Variants in ZNF160 observed in about 807,000 individuals in gnomAD.
ZNF160 encodes the protein KRAB zinc finger protein KR18.
In ZNF160, 9 loss-of-function variants were observed where a neutral mutation model predicts 13.1. The ratio of observed to expected loss-of-function variants is 0.69; its 90% CI spans 0.41 to 1.20. ZNF160 has a LOEUF of 1.20. ZNF160 is among the 50% of genes most tolerant of loss of function. ZNF160 has a pLI of 0.01. For synonymous variants in ZNF160, 293 were observed against 333.2 expected, an observed-to-expected ratio of 0.88 and a Z score of 1.31; for missense variants, 838 against 988.0, an observed-to-expected ratio of 0.85 and a Z score of 2.04.
chr19:53,067,937 T>C lies in ZNF160; in HGVS notation c.*140A>G. On this transcript the variant is annotated 3_prime_UTR_variant, in exon 6 of 6. Coordinates refer to ENST00000683776, the MANE Select transcript of ZNF160 (RefSeq NM_001322131.2). The stretch of plus-strand genomic sequence containing the variant: ...CTGCCACATATGTTTACATGATGTC[T>C]CTTGCTTATGGCCTCTCATATCTAT... 2.5e-6 allele frequency: 3 copies of C among 1,208,248 alleles called. No homozygotes were observed. The highest frequency in any genetic ancestry group is 3.4e-6 in the Non-Finnish European group (3 of 870,960). 74.8% of individuals were successfully genotyped at this position (1,208,248 alleles called of 1,614,324 possible). A position where few individuals can be genotyped will look rare whatever the true frequency, so the allele number is the denominator to read the frequency against.
At chr19:53,071,876 A>G (rs958945122) in intron 5 of ZNF160, among the ~76,000 whole-genome samples, 3 of 152,188 alleles carry the variant, frequency 2.0e-5, no homozygotes, top group African/African-American at 7.2e-5. Flanking sequence ...AATACATACT[A>G]AAGTACAACA....
In ZNF160 at chr19:53,069,009, A is replaced by G. The variant is rs746365582; in HGVS notation, c.1525T>C (p.Tyr509His). The change falls in exon 6 of 6, where the codon TAC (tyrosine) becomes CAC (histidine). Residue 509 changes from tyrosine (Y) to histidine (H), a missense_variant. Physicochemically the swap from Tyr to His is moderately conservative, Grantham distance 83. Transcript: ENST00000683776. The surrounding 1 kb of genome is among the most constrained non-coding windows in gnomAD (Gnocchi z 4.4). ...GCTTTCCCACACTCATTACACTTGT[A>G]AGGTTTCTCTCCAGTATGAATTCTT... ...HRRIHTGEKP[Y>H]KCNECGKAFS... The G allele has an allele frequency of 6.2e-7, 1 of 1,614,212 alleles. No homozygotes were observed. The highest frequency in any genetic ancestry group is 1.1e-5 in the South Asian group (1 of 91,088).
chr19:53,071,673 A>G (rs1450969947), intron 5 of ZNF160, among the ~76,000 whole-genome samples: 2 of 149,440 alleles, frequency 1.3e-5, no homozygotes, highest in South Asian at 4.2e-4. Context: ...ATAAAAAAAT[A>G]AAAAAAAAAT....
intron 1 of ZNF160, among the ~76,000 whole-genome samples, chr19:53,099,100 C>CTGTGTCCTCCAACGGAGGGAG (rs57738540): frequency 4.1e-5 from 6 of 145,626 alleles, no homozygotes; most frequent in African/African-American, 1.1e-4. Context: ...AAGATGGAGA[C>CTGTGTCCTCCAACGGAGGGAG]ACAAAACACT....
intron 2 of ZNF160, among the ~76,000 whole-genome samples, chr19:53,088,683 G>A (rs1454628055): frequency 3.3e-5 from 5 of 152,234 alleles, no homozygotes; most frequent in Non-Finnish European, 5.9e-5. Context: ...ATCATGCATT[G>A]GAGATCTGTT....
intron 1 of ZNF160, among the ~76,000 whole-genome samples, chr19:53,099,897 G>T (rs1173767017): frequency 6.6e-6 from 1 of 152,196 alleles, no homozygotes; most frequent in Non-Finnish European, 1.5e-5. Context: ...CTCTATGACG[G>T]CCTCGAAGGG....
chr19:53,071,035 A>C (rs1251926209), intron 5 of ZNF160, among the ~76,000 whole-genome samples: 1 of 151,796 alleles, frequency 6.6e-6, no homozygotes, highest in South Asian at 2.1e-4. Flanking sequence ...ATCTCTACTA[A>C]AAATACAAAA....
intron 2 of ZNF160, among the ~76,000 whole-genome samples, chr19:53,086,543 C>A (rs2084840031): frequency 1.3e-5 from 2 of 151,854 alleles, no homozygotes; most frequent in South Asian, 4.1e-4. Context: ...TCAGAACCCA[C>A]CTTCCTCCTG....
At chr19:53,083,901 G>A (rs914717100) in intron 3 of ZNF160, among the ~76,000 whole-genome samples, 2 of 152,156 alleles carry the variant, frequency 1.3e-5, no homozygotes, top group African/African-American at 4.8e-5. Flanking sequence ...AAGAAAAAGG[G>A]AGTGAGTTAT....
In ZNF160 at chr19:53,083,803, A is replaced by G. The variant is rs78840792; in HGVS notation, c.15+2459T>C. ...ACAACCGTAGTCCCAGCTACTCAGG[A>G]GACTGAGGTGGGACAATTGCTTAGG... On this transcript the variant is annotated intron_variant, in intron 3 of 5. Coordinates refer to ENST00000683776, the MANE Select transcript of ZNF160 (RefSeq NM_001322131.2). 6.6e-4 allele frequency among the ~76,000 whole-genome samples: 101 copies of G among 152,330 alleles called. No homozygotes were observed. The East Asian group carries it at 0.019, about 28-fold the overall frequency.
chr19:53,075,779 C>T (rs1037881000), intron 3 of ZNF160: 1 of 518,950 alleles, frequency 1.9e-6, no homozygotes, highest in Non-Finnish European at 3.8e-6. Flanking sequence ...GTGAGCCACT[C>T]AAGCAAACTA....
chr19:53,084,423 C>T (rs554061606), intron 3 of ZNF160, among the ~76,000 whole-genome samples: 1 of 152,318 alleles, frequency 6.6e-6, no homozygotes, highest in South Asian at 2.1e-4. Context: ...CCAGACCTTG[C>T]TCTTGTTAAC....
intron 1 of ZNF160, among the ~76,000 whole-genome samples, chr19:53,096,709 C>T (rs1299485529): frequency 7.9e-6 from 1 of 127,156 alleles, no homozygotes; most frequent in Non-Finnish European, 1.7e-5. Flanking sequence ...AGCAGAAAGG[C>T]AGGCAGGAGA....
At chr19:53,099,653 A>G (rs1381182791) in intron 1 of ZNF160, among the ~76,000 whole-genome samples, 1 of 152,196 alleles carries the variant, frequency 6.6e-6, no homozygotes, top group Non-Finnish European at 1.5e-5. Context: ...TTTAAATTTT[A>G]AAGGACTGAG....
Position 53,069,972 on chromosome 19 carries a change from G to A in ZNF160, c.562C>T (p.His188Tyr), listed in dbSNP as rs2084105600. Residue 188 changes from histidine (H) to tyrosine (Y), a missense_variant, in exon 6 of 6, where the codon CAT (histidine) becomes TAT (tyrosine). Around this residue, in one of 3 missense-constraint regions of ZNF160, gnomAD observed 387 missense variants for 402.3 expected, o/e 0.96. Coordinates refer to ENST00000683776, the MANE Select transcript of ZNF160 (RefSeq NM_001322131.2). This position sits in a 1 kb window ranked among gnomAD's most constrained non-coding sequence, Gnocchi z 4.4. ...NNQLGVSFHS[H>Y]LPELQLFQGE... The stretch of plus-strand genomic sequence containing the variant: ...TGAAATAGCTGCAGTTCAGGCAGAT[G>A]AGAATGAAAGCTTACTCCAAGCTGA... The A allele has an allele frequency of 1.9e-6, 3 of 1,614,128 alleles. No homozygotes were observed. Among genetic ancestry groups the A allele is most frequent in the African/African-American group, 1.3e-5 (1 of 75,030 alleles).
In ZNF160 at chr19:53,069,123, G is replaced by A; in HGVS notation, c.1411C>T (p.His471Tyr). The change falls in exon 6 of 6, where the codon CAT becomes TAT. Residue 471 changes from histidine (H) to tyrosine (Y), a missense_variant. Around this residue, in one of 3 missense-constraint regions of ZNF160, gnomAD observed 400 missense variants for 538.9 expected, o/e 0.74. Transcript: ENST00000683776. This position sits in a 1 kb window ranked among gnomAD's most constrained non-coding sequence, Gnocchi z 4.4. The stretch of plus-strand genomic sequence containing the variant: ...TTTGTTCCAGTATGGATGACCTGAT[G>A]GGTAGCTAGGTTTGAATGCATACTG... ...AFSMHSNLAT[H>Y]QVIHTGTKPF... 1 of 1,614,172 alleles carries A rather than the reference G, an allele frequency of 6.2e-7. No homozygotes were observed. The highest frequency in any genetic ancestry group is 8.5e-7 in the Non-Finnish European group (1 of 1,180,032).
intron 1 of ZNF160, among the ~76,000 whole-genome samples, chr19:53,092,541 T>G (rs2085075620): frequency 6.6e-6 from 1 of 152,226 alleles, no homozygotes; most frequent in Admixed American, 6.5e-5. Context: ...CTCAAACTCC[T>G]GACCTCAAGT....
chr19:53,074,669 CAAA>C (rs55829838), intron 4 of ZNF160, among the ~76,000 whole-genome samples: 5 of 123,410 alleles, frequency 4.1e-5, no homozygotes, highest in Non-Finnish European at 3.3e-5. Context: ...GACTCCGCCT[CAAA>C]AAAAAAAAAA....
chr19:53,096,846 A>G (rs934087212), intron 1 of ZNF160, among the ~76,000 whole-genome samples: 25 of 128,076 alleles, frequency 2.0e-4, no homozygotes, highest in Non-Finnish European at 3.9e-4. Context: ...GCGTGTGCAT[A>G]GGATGAGATG....
Sources: gnomAD v4.1 joint callset for allele counts (sites outside exome capture counted in the v4.1 genomes callset) on GRCh38, gnomAD v4.1.1 for gene constraint, gnomAD v4.1.1 regional missense constraint, Gnocchi (gnomAD v3.1) non-coding constraint, MANE v1.5 for transcripts, NCBI Gene and HGNC (gene_info 2026-07-23, HGNC 2026-07-21) for gene names.